The following CCDC80 variants were observed in gnomAD, a reference collection of about 807,000 sequenced individuals.
CCDC80 encodes the protein coiled-coil domain-containing protein 80.
A neutral mutation model predicts 78.7 loss-of-function variants in CCDC80; 49 were observed. The ratio of observed to expected loss-of-function variants is 0.62; its 90% CI spans 0.50 to 0.79. The LOEUF (loss-of-function observed/expected upper bound fraction) is 0.79, where lower values mean the gene tolerates loss of function less well. Among genes scored for constraint, CCDC80 ranks in the 30% least tolerant of loss-of-function variants. The probability of loss-of-function intolerance (pLI) is 0.00; values close to 1 mark genes in which losing one functional copy is unlikely to be tolerated. For synonymous variants in CCDC80, 488 were observed against 447.0 expected (o/e 1.09, Z -1.16); for missense variants, 1,205 against 1,198.6 (o/e 1.01, Z -0.08).
intron 3 of CCDC80, among the ~76,000 whole-genome samples, chr3:112,622,474 A>G (rs1444470978): frequency 6.6e-6 from 1 of 152,094 alleles, no homozygotes; most frequent in Non-Finnish European, 1.5e-5. Flanking sequence ...TGCTCCTGCC[A>G]CCGGTCTTTC....
intron 7 of CCDC80, among the ~76,000 whole-genome samples, chr3:112,606,130 G>A (rs1350575007): frequency 6.6e-6 from 1 of 152,174 alleles, no homozygotes; most frequent in African/African-American, 2.4e-5. Context: ...TTACTTCTCT[G>A]TAACTACAGC....
At chr3:112,621,437 C>G (rs1935866822) in intron 3 of CCDC80, among the ~76,000 whole-genome samples, 1 of 152,142 alleles carries the variant, frequency 6.6e-6, no homozygotes, top group Non-Finnish European at 1.5e-5. Context: ...AACCTCCTAC[C>G]CAACCTGTAG....
rs1230432704 is a variant in CCDC80 at position 112,634,895 on chromosome 3, TA to T, written c.1878+3132del. Among the ~76,000 whole-genome samples the T allele has an allele frequency of 2.6e-5, 4 of 152,332 alleles. No homozygotes were observed. In the East Asian group the frequency reaches 7.7e-4, roughly 29 times the overall value. On this transcript the variant is annotated intron_variant, in intron 2 of 7. Transcript: ENST00000206423. The stretch of plus-strand genomic sequence containing the variant: ...CCACATATTAGCTATATATCTTGGG[TA>T]ACTTCAGGTTCTGTTTTCTCATGTG...
rs1032949410 is a variant in CCDC80, at chr3:112,605,250, A to G, written c.*167T>C. ...AATGTCTTTATGATTTGAGGTTTCAATAATAACTCATGAATAGGTGAAAGT... is the reference window on the plus strand; with the variant it reads ...AATGTCTTTATGATTTGAGGTTTCAGTAATAACTCATGAATAGGTGAAAGT... On this transcript the variant is annotated 3_prime_UTR_variant, in exon 8 of 8. Coordinates refer to ENST00000206423, the MANE Select transcript of CCDC80 (RefSeq NM_199511.3). The G allele has an allele frequency of 3.0e-5, 16 of 528,104 alleles. No individual in the cohort carries two copies. The highest frequency in any genetic ancestry group is 9.6e-5 in the African/African-American group (5 of 52,192). The allele number at this position is 528,104 out of a possible 1,614,324, so 32.7% of individuals were successfully genotyped here.
intron 5 of CCDC80, among the ~76,000 whole-genome samples, chr3:112,612,686 C>A (rs112557986): frequency 2.6e-5 from 4 of 152,222 alleles, no homozygotes; most frequent in South Asian, 2.1e-4. Flanking sequence ...CATTTGCCCA[C>A]TCTTTGGGGT....
chr3:112,623,412 G>T (rs1935906278), intron 3 of CCDC80, among the ~76,000 whole-genome samples: 1 of 152,150 alleles, frequency 6.6e-6, no homozygotes, highest in Admixed American at 6.5e-5. Flanking sequence ...TCTTGCCTAA[G>T]TTCAGGCAAT....
chr3:112,629,803 GA>G (rs1428817447), intron 3 of CCDC80, among the ~76,000 whole-genome samples: 1 of 152,180 alleles, frequency 6.6e-6, no homozygotes, highest in Non-Finnish European at 1.5e-5. Flanking sequence ...TCAGTACCCA[GA>G]AAAAGTGTCT....
rs1935381611 is a variant in CCDC80 at position 112,601,807 on chromosome 3, T to C, written c.*3610A>G. 1 of 152,216 alleles carries C rather than the reference T, an allele frequency of 6.6e-6. No individual in the cohort carries two copies. The highest frequency in any genetic ancestry group is 1.5e-5 in the Non-Finnish European group (1 of 68,050). The allele number at this position is 152,216 out of a possible 1,614,324, so 9.4% of individuals were successfully genotyped here. A position where few individuals can be genotyped will look rare whatever the true frequency, so the allele number is the denominator to read the frequency against. ...CTTTTTTCAAAGACAAGGATTATAC[T>C]CCTTTGCATTCCAGCTACTTTGGTC... On this transcript the variant is annotated 3_prime_UTR_variant, in exon 8 of 8. Transcript: ENST00000206423.
intron 6 of CCDC80, 76 bp downstream of exon 6, chr3:112,609,902 G>A (rs955702253): frequency 9.8e-7 from 1 of 1,024,276 alleles, no homozygotes; most frequent in Non-Finnish European, 1.5e-6. Flanking sequence ...ATGATCTAAG[G>A]TTCTATGTTC....
At chr3:112,612,040 CTTTTTTTT>C (rs754201530) in intron 5 of CCDC80, among the ~76,000 whole-genome samples, 1 of 133,428 alleles carries the variant, frequency 7.5e-6, no homozygotes, top group Non-Finnish European at 1.6e-5. Context: ...ACTTCCTCTG[CTTTTTTTT>C]TTTTTTTTTT....
rs1234726300 is a variant in CCDC80 at position 112,612,149 on chromosome 3, T to C, written c.2322-2068A>G. Reference sequence around the variant, plus strand: ...AGGACAAGAAAGGAGCCTCTGAGACTGTCCAAGGTTTCTTAGGAAAGGGAA... The same window carrying C: ...AGGACAAGAAAGGAGCCTCTGAGACCGTCCAAGGTTTCTTAGGAAAGGGAA... On this transcript the variant is annotated intron_variant, in intron 5 of 7. Coordinates refer to ENST00000206423, the MANE Select transcript of CCDC80 (RefSeq NM_199511.3). 2.6e-5 allele frequency among the ~76,000 whole-genome samples: 4 copies of C among 151,782 alleles called. No individual in the cohort carries two copies. In the East Asian group the frequency reaches 5.8e-4, roughly 22 times the overall value.
chr3:112,606,906 A>C (rs1935523941), intron 7 of CCDC80, among the ~76,000 whole-genome samples: 1 of 152,166 alleles, frequency 6.6e-6, no homozygotes, highest in South Asian at 2.1e-4. Context: ...ACGGACCCCC[A>C]AAAAGCATTA....
chr3:112,612,188 C>T (rs1344844086), intron 5 of CCDC80, among the ~76,000 whole-genome samples: 1 of 152,046 alleles, frequency 6.6e-6, no homozygotes. Context: ...TAACTGCTGT[C>T]GGATCACAAA....
chr3:112,624,943 A>G (rs1935936320), intron 3 of CCDC80, among the ~76,000 whole-genome samples: 3 of 152,120 alleles, frequency 2.0e-5, no homozygotes, highest in Non-Finnish European at 4.4e-5. Flanking sequence ...GAATCACCTG[A>G]GCAACATTTT....
intron 3 of CCDC80, among the ~76,000 whole-genome samples, chr3:112,629,696 G>C (rs1659995331): frequency 6.6e-6 from 1 of 152,162 alleles, no homozygotes; most frequent in African/African-American, 2.4e-5. Context: ...CCAGAGTCAA[G>C]TACTTCCGAG....
At chr3:112,632,290 A>G (rs1278098112) in intron 2 of CCDC80, among the ~76,000 whole-genome samples, 4 of 152,200 alleles carry the variant, frequency 2.6e-5, no homozygotes, top group Non-Finnish European at 5.9e-5. Flanking sequence ...TGAATGTTTA[A>G]GTAAAAACAC....
chr3:112,619,946 C>T (rs779398702), intron 3 of CCDC80, among the ~76,000 whole-genome samples: 9 of 152,046 alleles, frequency 5.9e-5, no homozygotes, highest in Admixed American at 1.3e-4. Context: ...CTCAACCCTA[C>T]CTAAGATTTT....
intron 3 of CCDC80, among the ~76,000 whole-genome samples, chr3:112,629,280 G>T (rs1936044896): frequency 1.4e-5 from 2 of 143,976 alleles, no homozygotes; most frequent in Non-Finnish European, 1.5e-5. Flanking sequence ...TTACTCTAAG[G>T]TTTTTTTTTT....
chr3:112,607,356 A>G (rs1315064994), intron 6 of CCDC80, 100 bp from the exon 7 acceptor site: 2 of 818,780 alleles, frequency 2.4e-6, no homozygotes, highest in African/African-American at 1.8e-5. Context: ...TCTTAAATTT[A>G]AAAAGAATAT....
Sources: allele counts gnomAD v4.1 joint callset (sites outside exome capture counted in the v4.1 genomes callset), GRCh38; gene constraint gnomAD v4.1.1; transcripts MANE v1.5; gene names NCBI Gene and HGNC (gene_info 2026-07-23, HGNC 2026-07-21).